Variants in CMIP observed in about 807,000 individuals in gnomAD.
CMIP encodes the protein c-Maf inducing protein, also known as C-Maf-inducing protein.
In CMIP, 13 loss-of-function variants were observed where a neutral mutation model predicts 97.3. The observed-to-expected ratio is 0.13, with a 90% CI of 0.09 to 0.21. The LOEUF (loss-of-function observed/expected upper bound fraction) is 0.21. Ranked by LOEUF, CMIP falls within the 10% of genes least tolerant of loss-of-function variation. CMIP has a pLI of 1.00. For synonymous variants in CMIP, 538 were observed against 436.3 expected (o/e 1.23, Z -2.91); for missense variants, 847 against 1,024.9 (o/e 0.83, Z 2.37).
intron 1 of CMIP, among the ~76,000 whole-genome samples, chr16:81,545,195 A>G (rs979189947): frequency 2.0e-5 from 3 of 152,124 alleles, no homozygotes; most frequent in African/African-American, 4.8e-5. Flanking sequence ...AGGGTGCCTT[A>G]GCTTCTTCCA....
chr16:81,448,670 T>C (rs1377649346), intron 1 of CMIP, among the ~76,000 whole-genome samples: 1 of 152,242 alleles, frequency 6.6e-6, no homozygotes, highest in Non-Finnish European at 1.5e-5. Context: ...TAATGTGGCT[T>C]GTGACGGCCG....
At chr16:81,485,191 T>C (rs1188717627) in intron 1 of CMIP, among the ~76,000 whole-genome samples, 2 of 152,248 alleles carry the variant, frequency 1.3e-5, no homozygotes, top group African/African-American at 2.4e-5. Flanking sequence ...TGTATTAAGC[T>C]ACTTTCCTGT....
In CMIP at chr16:81,445,199, C is replaced by G; in HGVS notation, c.-43C>G. 9 of 1,374,912 alleles carry G rather than the reference C, an allele frequency of 6.5e-6. No homozygotes were observed. Among genetic ancestry groups the G allele is most frequent in the Non-Finnish European group, 8.7e-6 (9 of 1,030,934 alleles). The allele number at this position is 1,374,912 out of a possible 1,614,324, so 85.2% of individuals were successfully genotyped here. A position where few individuals can be genotyped will look rare whatever the true frequency, so the allele number is the denominator to read the frequency against. On this transcript the variant is annotated 5_prime_UTR_variant, in exon 1 of 21. Transcript: ENST00000537098. ...GCCCCGCCGCCCCAGCAGCCCAGGA[C>G]AGCCCCCTCTCCCCGCCCCCAGCCC... is the stretch of plus-strand genomic sequence containing the variant.
rs1438934798 is a variant in CMIP at position 81,627,026 on chromosome 16, T to G, written c.477+6100T>G. Among the ~76,000 whole-genome samples, 1 of 149,608 alleles carries G rather than the reference T, an allele frequency of 6.7e-6. No homozygotes were observed. The highest frequency in any genetic ancestry group is 1.5e-5 in the Non-Finnish European group (1 of 67,432). The stretch of plus-strand genomic sequence containing the variant: ...TGTGGCCTGTAGGGTGACTGTTTTA[T>G]GAGTATGTGTGCATGGCATGTGAGG... On this transcript the variant is annotated intron_variant, in intron 3 of 20. Coordinates refer to ENST00000537098, the MANE Select transcript of CMIP (RefSeq NM_198390.3). The surrounding 1 kb of genome is among the most constrained non-coding windows in gnomAD (Gnocchi z 4.6).
At chr16:81,586,643 A>G (rs570503908) in intron 1 of CMIP, among the ~76,000 whole-genome samples, 3 of 152,104 alleles carry the variant, frequency 2.0e-5, no homozygotes, top group Non-Finnish European at 2.9e-5. Flanking sequence ...TCTCTGCCCA[A>G]TAAACTCCTA....
intron 3 of CMIP, among the ~76,000 whole-genome samples, chr16:81,633,734 G>A (rs1292892696): frequency 1.3e-5 from 2 of 152,240 alleles, no homozygotes; most frequent in African/African-American, 4.8e-5. Flanking sequence ...CAGAAGGCCA[G>A]GGTGGTTTGT....
chr16:81,629,099 A>G (rs1321659687), intron 3 of CMIP, among the ~76,000 whole-genome samples: 10 of 136,686 alleles, frequency 7.3e-5, no homozygotes, highest in African/African-American at 2.8e-4. Flanking sequence ...TGGTGCCACT[A>G]TACTCCAGCC....
chr16:81,472,612 G>A (rs1010482214), intron 1 of CMIP, among the ~76,000 whole-genome samples: 3 of 152,222 alleles, frequency 2.0e-5, no homozygotes, highest in Non-Finnish European at 2.9e-5. Context: ...GGTGGCACCC[G>A]CAAATGTGTC....
At chr16:81,608,797 A>G (rs1435507086) in intron 2 of CMIP, among the ~76,000 whole-genome samples, 1 of 152,216 alleles carries the variant, frequency 6.6e-6, no homozygotes, top group Non-Finnish European at 1.5e-5. Flanking sequence ...CCTCATCTAG[A>G]GAAAATTTAC....
intron 1 of CMIP, among the ~76,000 whole-genome samples, chr16:81,537,062 A>T (rs1164077499): frequency 6.6e-6 from 1 of 152,142 alleles, no homozygotes; most frequent in Admixed American, 6.5e-5. Context: ...TTCCCATGAC[A>T]TATTAGTGTG....
At chr16:81,615,180 G>A (rs1225454579) in intron 2 of CMIP, among the ~76,000 whole-genome samples, 4 of 101,796 alleles carry the variant, frequency 3.9e-5, no homozygotes, top group Non-Finnish European at 8.0e-5. Flanking sequence ...TATGTGGTAC[G>A]TGTATGTGTG....
chr16:81,597,592 G>GC (rs1360126664), intron 1 of CMIP, among the ~76,000 whole-genome samples: 13 of 128,808 alleles, frequency 1.0e-4, no homozygotes, highest in African/African-American at 4.2e-4. Context: ...AGCGAGGGGA[G>GC]CGGGGGGGGG....
intron 1 of CMIP, among the ~76,000 whole-genome samples, chr16:81,462,737 CT>C (rs1364827122): frequency 6.6e-6 from 1 of 152,190 alleles, no homozygotes; most frequent in Non-Finnish European, 1.5e-5. Context: ...CAGTTCTTCA[CT>C]CTCTGATAAG....
At chr16:81,634,089 T>TGCC (rs1236750996) in intron 3 of CMIP, among the ~76,000 whole-genome samples, 2 of 152,206 alleles carry the variant, frequency 1.3e-5, no homozygotes, top group African/African-American at 2.4e-5. Context: ...TCTCTAGAAA[T>TGCC]GCCAGTCTTC....
intron 2 of CMIP, among the ~76,000 whole-genome samples, chr16:81,608,258 C>G (rs569146542): frequency 6.6e-6 from 1 of 152,272 alleles, no homozygotes; most frequent in African/African-American, 2.4e-5. Context: ...ATGCTGTTAA[C>G]TATTAAATTA....
intron 2 of CMIP, among the ~76,000 whole-genome samples, chr16:81,612,605 G>A (rs2091850187): frequency 6.6e-6 from 1 of 152,204 alleles, no homozygotes; most frequent in African/African-American, 2.4e-5. Flanking sequence ...ACCCTGGGCT[G>A]TTTTTCTCAC....
chr16:81,673,873 T>C (rs192086851), intron 9 of CMIP, among the ~76,000 whole-genome samples: 230 of 152,294 alleles, frequency 1.5e-3, no homozygotes, highest in Non-Finnish European at 2.3e-3. Flanking sequence ...GAGACCAACA[T>C]GAGTCCAGAC....
At chr16:81,664,811 A>G (rs919222762) in intron 7 of CMIP, 2 of 294,096 alleles carry the variant, frequency 6.8e-6, no homozygotes, top group African/African-American at 4.3e-5. Flanking sequence ...CATCGACAAC[A>G]ACAAGCCAGT....
At chr16:81,688,204 G>A (rs558199018) in intron 10 of CMIP, among the ~76,000 whole-genome samples, 3 of 152,316 alleles carry the variant, frequency 2.0e-5, no homozygotes, top group African/African-American at 7.2e-5. Flanking sequence ...CCTAGGCTGT[G>A]TAGATGACTC....
Sources: gnomAD v4.1 joint callset for allele counts (sites outside exome capture counted in the v4.1 genomes callset) on GRCh38, gnomAD v4.1.1 for gene constraint, Gnocchi (gnomAD v3.1) non-coding constraint, MANE v1.5 for transcripts, NCBI Gene and HGNC (gene_info 2026-07-23, HGNC 2026-07-21) for gene names.